The following ASAP1 variants were observed in gnomAD, a reference collection of about 807,000 sequenced individuals.
ASAP1 encodes the protein arf-GAP with SH3 domain, ANK repeat and PH domain-containing protein 1.
In ASAP1, 43 loss-of-function variants were observed where a neutral mutation model predicts 145.2. The ratio of observed to expected loss-of-function variants is 0.30; its 90% CI spans 0.23 to 0.38. The LOEUF (loss-of-function observed/expected upper bound fraction) is 0.38. ASAP1 is among the 10% of genes least tolerant of loss of function. The pLI is 1.00. For missense variants in ASAP1, 1,018 were observed against 1,355.3 expected (o/e 0.75, Z 3.91); for synonymous variants, 546 against 515.5 (o/e 1.06, Z -0.80).
At chr8:130,056,770 C>G (rs2097405206) in intron 29 of ASAP1, among the ~76,000 whole-genome samples, 4 of 152,214 alleles carry the variant, frequency 2.6e-5, no homozygotes, top group Admixed American at 2.6e-4. Flanking sequence ...GCAGACAGAA[C>G]TGAGTCCCTC....
Position 130,306,412 on chromosome 8 carries a change from C to G in ASAP1, c.186+51605G>C, listed in dbSNP as rs183782521. On this transcript the variant is annotated intron_variant, in intron 3 of 29. Transcript: ENST00000518721. ...TTAAATGTCCCTCTCCCCACACTGA[C>G]AACCCCTTTAGTCTTTGATAAATGT... 4.8e-4 allele frequency among the ~76,000 whole-genome samples: 73 copies of G among 152,314 alleles called. 3 individuals carry two copies. In the East Asian group the frequency reaches 7.7e-3, roughly 16 times the overall value.
intron 1 of ASAP1, among the ~76,000 whole-genome samples, chr8:130,421,564 T>C (rs1829718930): frequency 6.6e-6 from 1 of 152,142 alleles, no homozygotes; most frequent in Admixed American, 6.5e-5. Context: ...GGGTGTGCTT[T>C]CTCCAGGCTC....
rs202223527 is a variant in ASAP1 at position 130,116,793 on chromosome 8, T to C, written c.1997-48A>G. On this transcript the variant is annotated intron_variant, in intron 21 of 29. Transcript: ENST00000518721. The stretch of plus-strand genomic sequence containing the variant: ...TTGCATAATTATCTAGGAAACACCT[T>C]AAGAAGGCAAGGAACAATAATCAAA... The C allele has an allele frequency of 6.0e-4, 953 of 1,596,210 alleles. 1 individual carries two copies. Among genetic ancestry groups the C allele is most frequent in the Non-Finnish European group, 7.2e-4 (834 of 1,164,094 alleles).
rs560369187 is a variant in ASAP1, at chr8:130,118,572, T to G, written c.1711A>C (p.Ile571Leu). The change falls in exon 19 of 30, where the codon ATC becomes CTC. Residue 571 changes from isoleucine (I) to leucine (L), a missense_variant. Ile to Leu is a conservative substitution (Grantham distance 5). This residue lies in a region of ASAP1 where 353 missense variants were observed against 375.4 expected (regional missense o/e 0.94). Coordinates refer to ENST00000518721, the MANE Select transcript of ASAP1 (RefSeq NM_018482.4). ...SAKLNELLEA[I>L]KSRDLLALIQ... ...AGTGCAAGTAAATCCCTGGATTTGA[T>G]GGCCTCAAGCAATTCATTTAGTTTA... The G allele has an allele frequency of 6.2e-7, 1 of 1,614,196 alleles. No individual in the cohort carries two copies. The highest frequency in any genetic ancestry group is 1.1e-5 in the South Asian group (1 of 91,084).
chr8:130,214,154 AT>A (rs559702932), intron 5 of ASAP1, among the ~76,000 whole-genome samples: 213 of 152,330 alleles, frequency 1.4e-3, no homozygotes, highest in African/African-American at 5.1e-3. Context: ...TTCAATGTGT[AT>A]TTCCAATGTA....
At chr8:130,189,000 A>AT (rs1007802961) in intron 5 of ASAP1, among the ~76,000 whole-genome samples, 120 of 150,752 alleles carry the variant, frequency 8.0e-4, no homozygotes, top group African/African-American at 1.9e-3. Context: ...CTGTGTTTGG[A>AT]TTTTTTTTTG....
intron 13 of ASAP1, 67 bp from the exon 14 acceptor site, chr8:130,137,105 C>T: frequency 3.0e-6 from 4 of 1,340,498 alleles, no homozygotes; most frequent in Non-Finnish European, 4.3e-6. Context: ...GTTCAGTGCC[C>T]TGTAGGGCAG....
chr8:130,251,253 A>G (rs1047565483), intron 3 of ASAP1, among the ~76,000 whole-genome samples: 21 of 152,120 alleles, frequency 1.4e-4, no homozygotes, highest in African/African-American at 5.1e-4. Flanking sequence ...CCGCATTTCT[A>G]CTAAAAATAC....
At chr8:130,129,982 T>C (rs1214222844) in intron 15 of ASAP1, among the ~76,000 whole-genome samples, 1 of 152,258 alleles carries the variant, frequency 6.6e-6, no homozygotes, top group Non-Finnish European at 1.5e-5. Flanking sequence ...TCAACAGGAC[T>C]GATTACTGCA....
rs1168340952 is a variant in ASAP1 at position 130,076,418 on chromosome 8, A to G, written c.2643-12T>C. 4 of 1,599,218 alleles carry G rather than the reference A, an allele frequency of 2.5e-6. No homozygotes were observed. The highest frequency in any genetic ancestry group is 1.1e-5 in the South Asian group (1 of 88,984). Reference sequence around the variant, plus strand: ...TTGCAGAACTGGTGCTAATCAACAAATAAGAATCATTTAGGATCTAAAAGT... The same window carrying G: ...TTGCAGAACTGGTGCTAATCAACAAGTAAGAATCATTTAGGATCTAAAAGT... On this transcript the variant is annotated splice_polypyrimidine_tract_variant and intron_variant, in intron 26 of 29. Transcript: ENST00000518721.
At chr8:130,152,849 CT>C in intron 12 of ASAP1, 44 bp from the exon 13 acceptor site, 2 of 1,430,188 alleles carry the variant, frequency 1.4e-6, no homozygotes, top group Non-Finnish European at 1.9e-6. Context: ...AACTGATTCA[CT>C]CTGGGACATG....
At chr8:130,212,124 G>A (rs1190422952) in intron 5 of ASAP1, among the ~76,000 whole-genome samples, 1 of 152,216 alleles carries the variant, frequency 6.6e-6, no homozygotes, top group Non-Finnish European at 1.5e-5. Flanking sequence ...AAGGGAAGCA[G>A]AAAGTTGCTG....
chr8:130,136,422 G>T (rs2097594929), intron 14 of ASAP1, among the ~76,000 whole-genome samples: 1 of 152,268 alleles, frequency 6.6e-6, no homozygotes, highest in Non-Finnish European at 1.5e-5. Context: ...GCAAGGAAAT[G>T]ATTTTTCCTT....
intron 24 of ASAP1, among the ~76,000 whole-genome samples, chr8:130,110,900 C>T (rs147602467): frequency 3.9e-5 from 6 of 152,176 alleles, no homozygotes; most frequent in African/African-American, 1.2e-4. Context: ...TGTGGGAGCA[C>T]GAGCTGAGCA....
At chr8:130,323,085 C>A (rs142699541) in intron 3 of ASAP1, among the ~76,000 whole-genome samples, 308 of 152,302 alleles carry the variant, frequency 2.0e-3, no homozygotes, top group Middle Eastern at 0.014. Context: ...TCATTACAGA[C>A]AACTACTGCA....
intron 1 of ASAP1, among the ~76,000 whole-genome samples, chr8:130,402,910 C>A (rs1828859480): frequency 9.6e-6 from 1 of 103,884 alleles, no homozygotes. Context: ...GCAGAATAAT[C>A]TTTTGTGGGG....
At chr8:130,376,348 T>C (rs551255250) in intron 2 of ASAP1, among the ~76,000 whole-genome samples, 49 of 152,330 alleles carry the variant, frequency 3.2e-4, no homozygotes, top group African/African-American at 9.6e-4. Context: ...GCAAAGGCTA[T>C]AGGACAAGGC....
At chr8:130,115,596 G>C (rs749645328) in intron 23 of ASAP1, 32 bp downstream of exon 23, 1 of 1,528,282 alleles carries the variant, frequency 6.5e-7, no homozygotes, top group Admixed American at 1.7e-5. Flanking sequence ...TGGGGTAGTT[G>C]TTGAGAATTC....
rs779827433 is a variant in ASAP1, at chr8:130,052,718, G to GTTTTTT, written c.*2007_*2012dup. ...GTAATTTTAGACATGCAGCTTTTGT[G>GTTTTTT]TTTTTTTTTTGTTTTTGTTTTTTTT... On this transcript the variant is annotated 3_prime_UTR_variant, in exon 30 of 30. Transcript: ENST00000518721. 1 of 126,926 alleles carries GTTTTTT rather than the reference G, an allele frequency of 7.9e-6. No homozygotes were observed. Among genetic ancestry groups the GTTTTTT allele is most frequent in the Non-Finnish European group, 1.7e-5 (1 of 58,626 alleles). 7.9% of individuals were successfully genotyped at this position (126,926 alleles called of 1,614,324 possible). A position where few individuals can be genotyped will look rare whatever the true frequency, so the allele number is the denominator to read the frequency against.
Sources: allele counts gnomAD v4.1 joint callset (sites outside exome capture counted in the v4.1 genomes callset), GRCh38; gene constraint gnomAD v4.1.1; regional missense constraint gnomAD v4.1.1; transcripts MANE v1.5; gene names NCBI Gene and HGNC (gene_info 2026-07-23, HGNC 2026-07-21).